Variants in HGD observed in about 807,000 individuals in gnomAD.
The protein encoded by HGD is homogentisate oxidase.
Under a neutral mutation model 60.8 loss-of-function variants are expected in HGD, and 61 were observed. That is an observed-to-expected ratio of 1.00 (90% confidence interval 0.82 to 1.24). HGD has a LOEUF of 1.24. Ranked by LOEUF, HGD falls within the 50% of genes most tolerant of loss-of-function variation. The probability of loss-of-function intolerance (pLI) is 0.00; values close to 1 mark genes in which losing one functional copy is unlikely to be tolerated. For missense variants in HGD, 542 were observed against 547.1 expected (o/e 0.99, Z 0.09); for synonymous variants, 212 against 187.7 (o/e 1.13, Z -1.06).
intron 4 of HGD, among the ~76,000 whole-genome samples, chr3:120,661,485 A>G (rs887277463): frequency 6.6e-6 from 1 of 152,230 alleles, no homozygotes; most frequent in Admixed American, 6.5e-5. Context: ...AATCCATTAC[A>G]GAAGATCCTG....
intron 3 of HGD, 58 bp from the exon 4 acceptor site, chr3:120,670,590 C>G: frequency 2.1e-6 from 2 of 951,288 alleles, no homozygotes; most frequent in Non-Finnish European, 1.7e-6. Flanking sequence ...GAGTGATACA[C>G]AGAATGGCTC....
chr3:120,630,075 A>C (rs1482885058), intron 13 of HGD, among the ~76,000 whole-genome samples: 1 of 152,228 alleles, frequency 6.6e-6, no homozygotes, highest in Non-Finnish European at 1.5e-5. Context: ...CAGAGAGGTG[A>C]AAGGTCTCTA....
At chr3:120,632,642 G>A (rs763115701) in intron 13 of HGD, among the ~76,000 whole-genome samples, 6 of 152,172 alleles carry the variant, frequency 3.9e-5, no homozygotes, top group Non-Finnish European at 7.3e-5. Context: ...TCCTGCCTCC[G>A]CTACTACTGT....
chr3:120,663,319 T>C (rs1707821601), intron 4 of HGD, among the ~76,000 whole-genome samples: 1 of 152,172 alleles, frequency 6.6e-6, no homozygotes, highest in African/African-American at 2.4e-5. Context: ...TTTATGCTGC[T>C]GATAAAGACA....
At chr3:120,658,556 G>T (rs962841688) in intron 4 of HGD, among the ~76,000 whole-genome samples, 1 of 152,160 alleles carries the variant, frequency 6.6e-6, no homozygotes. Flanking sequence ...TTTTTCAGGT[G>T]CACGGTGCAA....
chr3:120,641,937 C>G (rs778514307), intron 10 of HGD: 1 of 521,550 alleles, frequency 1.9e-6, no homozygotes, highest in East Asian at 3.5e-5. Flanking sequence ...ATCACACATG[C>G]AGCAGAAACA....
At chr3:120,674,748 T>A in intron 3 of HGD, 153 bp downstream of exon 3, 1 of 656,650 alleles carries the variant, frequency 1.5e-6, no homozygotes, top group Non-Finnish European at 2.8e-6. Flanking sequence ...TGGCAGGAAG[T>A]TCATTCTCTT....
At chr3:120,638,979 C>T (rs1940879644) in intron 11 of HGD, among the ~76,000 whole-genome samples, 1 of 152,208 alleles carries the variant, frequency 6.6e-6, no homozygotes, top group Admixed American at 6.5e-5. Context: ...TTCCCCAACA[C>T]ATGCTCTCTT....
At position 120,646,367 on chromosome 3, in the gene HGD, C is replaced by A; in HGVS notation, c.550-1G>T. 6.3e-7 allele frequency: 1 copy of A among 1,591,186 alleles called. No homozygotes were observed. The highest frequency in any genetic ancestry group is 8.6e-7 in the Non-Finnish European group (1 of 1,159,132). Reference sequence around the variant, plus strand: ...CATCTATGCTGAACCGCATTCCTCTCTGGAATGGAAAGCAGACACTGGTGT... The same window carrying A: ...CATCTATGCTGAACCGCATTCCTCTATGGAATGGAAAGCAGACACTGGTGT... On this transcript the variant is annotated splice_acceptor_variant, in intron 8 of 13. Coordinates refer to ENST00000283871, the MANE Select transcript of HGD (RefSeq NM_000187.4). LOFTEE classifies it high-confidence loss of function.
intron 13 of HGD, among the ~76,000 whole-genome samples, chr3:120,631,564 C>T (rs1294958253): frequency 6.6e-6 from 1 of 152,084 alleles, no homozygotes; most frequent in African/African-American, 2.4e-5. Context: ...ATCATTATGG[C>T]CATTGCTATT....
chr3:120,628,516 T>G lies in HGD; in HGVS notation c.1202A>C (p.Glu401Ala). The G allele has an allele frequency of 6.2e-7, 1 of 1,613,990 alleles. No individual in the cohort carries two copies. The highest frequency in any genetic ancestry group is 1.1e-5 in the South Asian group (1 of 91,078). Residue 401 changes from glutamate to alanine, a missense_variant, in exon 14 of 14, where the codon GAA becomes GCA. This residue lies in a region of HGD where 537 missense variants were observed against 529.1 expected (regional missense o/e 1.01). Transcript: ENST00000283871. Reference sequence around the variant, plus strand: ...TGTGACCGCCAGACTTAAAGATGATTCAAACATAAATGCCTGGAGGAAGTG... The same window carrying G: ...TGTGACCGCCAGACTTAAAGATGATGCAAACATAAATGCCTGGAGGAAGTG... The part of the protein sequence containing the change: ...IADGTMAFMF[E>A]SSLSLAVTKW...
intron 13 of HGD, among the ~76,000 whole-genome samples, chr3:120,630,901 A>G (rs1326327773): frequency 4.0e-5 from 6 of 150,650 alleles, no homozygotes; most frequent in Non-Finnish European, 7.4e-5. Flanking sequence ...CTATGCAGCC[A>G]TAAAAAAGAA....
Position 120,670,250 on chromosome 3 carries a change from T to C in HGD, c.282+177A>G, listed in dbSNP as rs139949048. 2.5e-3 allele frequency: 1,566 copies of C among 625,982 alleles called. 10 individuals are homozygous for C. The highest frequency in any genetic ancestry group is 0.025 in the African/African-American group (1,343 of 54,470). 38.8% of individuals were successfully genotyped at this position (625,982 alleles called of 1,614,324 possible). A position where few individuals can be genotyped will look rare whatever the true frequency, so the allele number is the denominator to read the frequency against. ...TCTTGGTTATTTTTTCATAGCAGCA[T>C]GAGAATGGACTAATACACCACCCAA... On this transcript the variant is annotated intron_variant, in intron 4 of 13. Transcript: ENST00000283871.
intron 13 of HGD, 134 bp downstream of exon 13, chr3:120,633,013 C>T (rs1332638637): frequency 2.6e-6 from 2 of 757,720 alleles, no homozygotes; most frequent in East Asian, 2.7e-5. Flanking sequence ...TACATGTAAA[C>T]ATACTTATGC....
At chr3:120,634,053 CT>C (rs1559782019) in intron 12 of HGD, among the ~76,000 whole-genome samples, 1 of 151,876 alleles carries the variant, frequency 6.6e-6, no homozygotes, top group East Asian at 1.9e-4. Context: ...AGTCCTAAAT[CT>C]TGAAATTGGA....
At chr3:120,654,447 T>C (rs1941434030) in intron 4 of HGD, among the ~76,000 whole-genome samples, 1 of 151,990 alleles carries the variant, frequency 6.6e-6, no homozygotes, top group South Asian at 2.1e-4. Flanking sequence ...AATCCAGAGG[T>C]TCTGTGATTC....
At position 120,646,404 on chromosome 3, in the gene HGD, T is replaced by C. The variant is rs189630271; in HGVS notation, c.550-38A>G. On this transcript the variant is annotated intron_variant, in intron 8 of 13. Transcript: ENST00000283871. ...GCAGACACTGGTGTGCCCTCTGAAATCACAGCTGTAGTTATAAAGAAGCTG... is the reference window on the plus strand; with the variant it reads ...GCAGACACTGGTGTGCCCTCTGAAACCACAGCTGTAGTTATAAAGAAGCTG... 2.5e-3 allele frequency: 3,272 copies of C among 1,316,608 alleles called. 7 individuals carry two copies. Among genetic ancestry groups the C allele is most frequent in the Middle Eastern group, 4.0e-3 (22 of 5,530 alleles). 81.6% of individuals were successfully genotyped at this position (1,316,608 alleles called of 1,614,324 possible).
chr3:120,668,881 A>G (rs1163011141), intron 4 of HGD, among the ~76,000 whole-genome samples: 1 of 152,182 alleles, frequency 6.6e-6, no homozygotes, highest in Non-Finnish European at 1.5e-5. Flanking sequence ...ACATGTACCT[A>G]AACTCAGGGA....
At chr3:120,649,679 G>A (rs889142601) in intron 6 of HGD, among the ~76,000 whole-genome samples, 1 of 152,158 alleles carries the variant, frequency 6.6e-6, no homozygotes, top group African/African-American at 2.4e-5. Context: ...AGGCACCCTG[G>A]GTGACTAGGG....
Sources: allele counts gnomAD v4.1 joint callset (sites outside exome capture counted in the v4.1 genomes callset), GRCh38; gene constraint gnomAD v4.1.1; regional missense constraint gnomAD v4.1.1; transcripts MANE v1.5; gene names NCBI Gene and HGNC (gene_info 2026-07-23, HGNC 2026-07-21).